The following SUGCT variants were observed in gnomAD, a reference collection of about 807,000 sequenced individuals.
SUGCT encodes succinyl-CoA:glutarate CoA-transferase.
SUGCT carries 41 observed loss-of-function variants against 55.0 expected under a neutral mutation model. The observed-to-expected ratio is 0.74, with a 90% CI of 0.58 to 0.97. The LOEUF is 0.97. Ranked by LOEUF, SUGCT falls within the 50% of genes least tolerant of loss-of-function variation. The pLI is 0.00. For missense variants in SUGCT, 568 were observed against 547.8 expected (o/e 1.04, Z -0.37); for synonymous variants, 187 against 200.4 (o/e 0.93, Z 0.56).
intron 12 of SUGCT, among the ~76,000 whole-genome samples, chr7:40,535,343 T>C (rs1794304362): frequency 1.3e-5 from 2 of 152,198 alleles, no homozygotes; most frequent in Admixed American, 1.3e-4. Flanking sequence ...CCAGTTTCTA[T>C]TGCTGCTGTC....
chr7:40,431,728 T>C (rs565893596), intron 9 of SUGCT, among the ~76,000 whole-genome samples: 1 of 152,310 alleles, frequency 6.6e-6, no homozygotes, highest in South Asian at 2.1e-4. Context: ...TAAAGGTCAG[T>C]TTGTATTTTA....
chr7:40,905,175 A>G, the SUGCT span, among the ~76,000 whole-genome samples: 4 of 152,204 alleles, frequency 2.6e-5, no homozygotes, highest in Non-Finnish European at 5.9e-5. Context: ...CGTATTGAGT[A>G]AATCTTTTTA....
intron 12 of SUGCT, among the ~76,000 whole-genome samples, chr7:40,555,601 C>G (rs868478839): frequency 6.6e-6 from 1 of 152,070 alleles, no homozygotes; most frequent in African/African-American, 2.4e-5. Flanking sequence ...CTGGTTTACA[C>G]GTAGCCTGCT....
intron 12 of SUGCT, chr7:40,538,620 C>G (rs1287769478): frequency 6.6e-6 from 1 of 152,088 alleles, no homozygotes; most frequent in African/African-American, 2.4e-5. Flanking sequence ...TGCATGTAGA[C>G]AAGGTATATT....
intron 12 of SUGCT, among the ~76,000 whole-genome samples, chr7:40,647,107 A>G (rs1183053407): frequency 6.6e-6 from 1 of 152,190 alleles, no homozygotes; most frequent in African/African-American, 2.4e-5. Flanking sequence ...AACAGATAAT[A>G]TCAGGGCCCT....
At chr7:40,150,945 G>A (rs1164325080) in intron 1 of SUGCT, among the ~76,000 whole-genome samples, 1 of 151,852 alleles carries the variant, frequency 6.6e-6, no homozygotes, top group Non-Finnish European at 1.5e-5. Context: ...AAGGGAGAAA[G>A]TTTTATCTTG....
intron 12 of SUGCT, among the ~76,000 whole-genome samples, chr7:40,577,404 A>G (rs1339498369): frequency 4.0e-5 from 6 of 150,406 alleles, no homozygotes; most frequent in Non-Finnish European, 8.9e-5. Flanking sequence ...CAAATCTCGT[A>G]TTTTCCTGGA....
At position 40,702,847 on chromosome 7, in the gene SUGCT, C is replaced by T. The variant is rs189929574; in HGVS notation, c.1090-46587C>T. Among the ~76,000 whole-genome samples the T allele has an allele frequency of 9.2e-5, 14 of 152,272 alleles. No individual in the cohort carries two copies. In the East Asian group the frequency reaches 2.7e-3, roughly 29 times the overall value. ...CCCCTCACCTATAACCACAGCTAAACATGGAATTCTTTTATAGCCCAAAAC... is the reference window on the plus strand; with the variant it reads ...CCCCTCACCTATAACCACAGCTAAATATGGAATTCTTTTATAGCCCAAAAC... On this transcript the variant is annotated intron_variant, in intron 12 of 13. Coordinates refer to ENST00000335693, the MANE Select transcript of SUGCT (RefSeq NM_001193313.2).
At chr7:40,702,421 CAA>C (rs1785206714) in intron 12 of SUGCT, among the ~76,000 whole-genome samples, 1 of 152,062 alleles carries the variant, frequency 6.6e-6, no homozygotes, top group South Asian at 2.1e-4. Flanking sequence ...TAAAAAATAC[CAA>C]AGTCAAGAAA....
intron 1 of SUGCT, among the ~76,000 whole-genome samples, chr7:40,162,079 GT>G: frequency 6.6e-6 from 1 of 152,022 alleles, no homozygotes; most frequent in East Asian, 1.9e-4. Context: ...TGTATTTTTA[GT>G]AGAGACGGGG....
At position 40,194,948 on chromosome 7, in the gene SUGCT, T is replaced by G; in HGVS notation, c.372T>G (p.Ala124=). 5 of 1,613,238 alleles carry G rather than the reference T, an allele frequency of 3.1e-6. No homozygotes were observed. In the South Asian group the frequency reaches 5.5e-5, roughly 18 times the overall value. Residue 124 remains alanine (A), a synonymous_variant, in exon 6 of 14, where the codon GCT becomes GCG. Coordinates refer to ENST00000335693, the MANE Select transcript of SUGCT (RefSeq NM_001193313.2). ...KGVKIIKELA[A]VCDVFVENYV... ...TTCACCTCTTCCATCAGCTTGCAGC[T>G]GTTTGTGATGTGTTTGTGGAAAACT... is the stretch of plus-strand genomic sequence containing the variant.
chr7:40,598,602 G>C (rs1383244627), intron 12 of SUGCT, among the ~76,000 whole-genome samples: 1 of 152,224 alleles, frequency 6.6e-6, no homozygotes, highest in African/African-American at 2.4e-5. Context: ...AATCCAGAGT[G>C]AGAATGAGCA....
chr7:41,033,329 C>G, the SUGCT span, among the ~76,000 whole-genome samples: 2 of 152,152 alleles, frequency 1.3e-5, no homozygotes, highest in East Asian at 3.9e-4. Context: ...CTCTTACCAC[C>G]CTAGTTCTCT....
intron 13 of SUGCT, among the ~76,000 whole-genome samples, chr7:40,846,146 C>T (rs1313807246): frequency 6.6e-6 from 1 of 152,168 alleles, no homozygotes; most frequent in Non-Finnish European, 1.5e-5. Flanking sequence ...TTAAAATATT[C>T]TGGCTATAGA....
At chr7:40,720,850 C>T (rs1406512923) in intron 12 of SUGCT, among the ~76,000 whole-genome samples, 3 of 152,192 alleles carry the variant, frequency 2.0e-5, no homozygotes, top group Non-Finnish European at 2.9e-5. Context: ...GAAAGCTTTA[C>T]AGCATGTTAC....
chr7:40,367,583 G>A (rs143053393), intron 9 of SUGCT, among the ~76,000 whole-genome samples: 11 of 151,690 alleles, frequency 7.3e-5, no homozygotes, highest in East Asian at 1.9e-4. Context: ...TTTTACTTCC[G>A]TAAAAGGAAA....
intron 3 of SUGCT, among the ~76,000 whole-genome samples, chr7:40,184,083 G>T (rs1257236039): frequency 1.3e-5 from 2 of 152,066 alleles, no homozygotes; most frequent in African/African-American, 4.8e-5. Flanking sequence ...GCTGAGGCAG[G>T]AGAATCTCTT....
At chr7:40,147,006 GTC>G (rs1187066563) in intron 1 of SUGCT, among the ~76,000 whole-genome samples, 6 of 150,632 alleles carry the variant, frequency 4.0e-5, no homozygotes, top group African/African-American at 1.2e-4. Context: ...TTCCCTCTTT[GTC>G]TCTCTGTCTC....
the SUGCT span, among the ~76,000 whole-genome samples, chr7:40,981,272 A>G: frequency 2.0e-5 from 3 of 152,108 alleles, no homozygotes; most frequent in Non-Finnish European, 4.4e-5. Context: ...AAGATAGCAC[A>G]TGTTTGCAAC....
Sources: gnomAD v4.1 joint callset for allele counts (sites outside exome capture counted in the v4.1 genomes callset) on GRCh38, gnomAD v4.1.1 for gene constraint, MANE v1.5 for transcripts, NCBI Gene and HGNC (gene_info 2026-07-23, HGNC 2026-07-21) for gene names.